Variants in NET1 observed in about 807,000 individuals in gnomAD.
The protein encoded by NET1 is neuroepithelial cell-transforming gene 1 protein.
A neutral mutation model predicts 61.1 loss-of-function variants in NET1; 42 were observed. The observed-to-expected ratio is 0.69, with a 90% confidence interval of 0.54 to 0.89. The LOEUF is 0.89. Among genes scored for constraint, NET1 ranks in the 40% least tolerant of loss-of-function variants. The probability of loss-of-function intolerance (pLI) is 0.00; values close to 1 mark genes in which losing one functional copy is unlikely to be tolerated. For synonymous variants in NET1, 254 were observed against 281.8 expected (o/e 0.90, Z 0.99); for missense variants, 654 against 747.3 (o/e 0.88, Z 1.46).
intron 1 of NET1, among the ~76,000 whole-genome samples, chr10:5,419,477 C>T (rs897593794): frequency 6.6e-6 from 1 of 151,802 alleles, no homozygotes; most frequent in African/African-American, 2.4e-5. Flanking sequence ...TTTCTCTATT[C>T]CTCCTTTATT....
In NET1 at chr10:5,417,839, G is replaced by T. The variant is rs1276886441; in HGVS notation, c.128+5019G>T. ...AGATGTCCTTTATCAGGTTGAGGAA[G>T]TTCCATTCTGTTACTAGTTTTTGAG... is the stretch of plus-strand genomic sequence containing the variant. On this transcript the variant is annotated intron_variant, in intron 1 of 11. Coordinates refer to ENST00000355029, the MANE Select transcript of NET1 (RefSeq NM_001047160.3). This position sits in a 1 kb window ranked among gnomAD's most constrained non-coding sequence, Gnocchi z 5.5. Among the ~76,000 whole-genome samples, 1 of 152,138 alleles carries T rather than the reference G, an allele frequency of 6.6e-6. No individual in the cohort carries two copies. Among genetic ancestry groups the T allele is most frequent in the East Asian group, 1.9e-4 (1 of 5,188 alleles).
In NET1 at chr10:5,446,613, G is replaced by GC. The variant is rs1377170970; in HGVS notation, c.256-5215dup. The stretch of plus-strand genomic sequence containing the variant: ...TGCTTGCTGCCTGCGGCTCTCAGAA[G>GC]CCTCTGCTCCACCGCGGCGAGAGGC... On this transcript the variant is annotated intron_variant, in intron 3 of 11. Coordinates refer to ENST00000355029, the MANE Select transcript of NET1 (RefSeq NM_001047160.3). The surrounding 1 kb of genome is among the most constrained non-coding windows in gnomAD (Gnocchi z 5.0). 2 of 1,241,330 alleles carry GC rather than the reference G, an allele frequency of 1.6e-6. No individual in the cohort carries two copies. Among genetic ancestry groups the GC allele is most frequent in the Non-Finnish European group, 2.0e-6 (2 of 989,334 alleles). 76.9% of individuals were successfully genotyped at this position (1,241,330 alleles called of 1,614,324 possible).
In NET1 at chr10:5,415,728, C is replaced by T. The variant is rs1292608276; in HGVS notation, c.128+2908C>T. 2.6e-5 allele frequency among the ~76,000 whole-genome samples: 4 copies of T among 152,168 alleles called. No homozygotes were observed. Among genetic ancestry groups the T allele is most frequent in the East Asian group, 3.9e-4 (2 of 5,168 alleles). On this transcript the variant is annotated intron_variant, in intron 1 of 11. Transcript: ENST00000355029. The surrounding 1 kb of genome is among the most constrained non-coding windows in gnomAD (Gnocchi z 4.7). ...TGCTGGGATTACAGGCGTGAGCCAC[C>T]GCACCTGGCCCTGTTCATTTTTAAA...
In NET1 at chr10:5,421,266, C is replaced by T. The variant is rs774892822; in HGVS notation, c.129-5389C>T. ...TTTAAATAATTTTATTTCTGTCTTT[C>T]GGGGCCTTAGGGAAAGCCATAGAAC... is the stretch of plus-strand genomic sequence containing the variant. On this transcript the variant is annotated intron_variant, in intron 1 of 11. Transcript: ENST00000355029. This position sits in a 1 kb window ranked among gnomAD's most constrained non-coding sequence, Gnocchi z 4.2. 3.6e-4 allele frequency among the ~76,000 whole-genome samples: 55 copies of T among 152,078 alleles called. No individual in the cohort carries two copies. Among genetic ancestry groups the T allele is most frequent in the African/African-American group, 1.2e-3 (51 of 41,412 alleles).
chr10:5,445,401 CT>C (rs1251026259), intron 3 of NET1, among the ~76,000 whole-genome samples: 1 of 152,198 alleles, frequency 6.6e-6, no homozygotes, highest in Non-Finnish European at 1.5e-5. Flanking sequence ...CAAAAGCTAT[CT>C]TCTGTTATCT....
Position 5,414,663 on chromosome 10 carries a change from T to C in NET1, c.128+1843T>C, listed in dbSNP as rs114323324. ...AGAGAAATAACACAATTTTGTGGGATAGACTCTTAAGAAAGAATAAATTCC... is the reference window on the plus strand; with the variant it reads ...AGAGAAATAACACAATTTTGTGGGACAGACTCTTAAGAAAGAATAAATTCC... On this transcript the variant is annotated intron_variant, in intron 1 of 11. Coordinates refer to ENST00000355029, the MANE Select transcript of NET1 (RefSeq NM_001047160.3). Among the ~76,000 whole-genome samples, 1,117 of 152,324 alleles carry C rather than the reference T, an allele frequency of 7.3e-3. 9 individuals carry two copies. The highest frequency in any genetic ancestry group is 0.026 in the African/African-American group (1,068 of 41,560).
At chr10:5,442,852 G>A (rs1439438421) in intron 3 of NET1, among the ~76,000 whole-genome samples, 1 of 148,674 alleles carries the variant, frequency 6.7e-6, no homozygotes, top group Non-Finnish European at 1.5e-5. Flanking sequence ...ACTCCAGCCT[G>A]GACAACAGAG....
Position 5,435,478 on chromosome 10 carries a change from T to C in NET1, c.255+6249T>C, listed in dbSNP as rs1198415904. Among the ~76,000 whole-genome samples the C allele has an allele frequency of 2.9e-4, 1 of 3,494 alleles. No homozygotes were observed. The highest frequency in any genetic ancestry group is 4.7e-4 in the African/African-American group (1 of 2,132). 2.3% of individuals were successfully genotyped at this position (3,494 alleles called of 152,430 possible). On this transcript the variant is annotated intron_variant, in intron 3 of 11. Transcript: ENST00000355029. This position sits in a 1 kb window ranked among gnomAD's most constrained non-coding sequence, Gnocchi z 5.0. ...ACTTTATATGCCTCCGTGCCTGAGA[T>C]AGATAGATAGATAGATAGATAGATA...
rs1169213819 is a variant in NET1, at chr10:5,449,090, A to C, written c.256-2740A>C. Among the ~76,000 whole-genome samples, 2 of 152,216 alleles carry C rather than the reference A, an allele frequency of 1.3e-5. No individual in the cohort carries two copies. Among genetic ancestry groups the C allele is most frequent in the Non-Finnish European group, 2.9e-5 (2 of 68,034 alleles). On this transcript the variant is annotated intron_variant, in intron 3 of 11. Coordinates refer to ENST00000355029, the MANE Select transcript of NET1 (RefSeq NM_001047160.3). This position sits in a 1 kb window ranked among gnomAD's most constrained non-coding sequence, Gnocchi z 4.4. ...TAGGTGGCCTGTGAATGCCTAAACC[A>C]TGTCACTTTTCCACAGAAGTTTCAT...
Position 5,417,505 on chromosome 10 carries a change from T to C in NET1, c.128+4685T>C, listed in dbSNP as rs1345522393. Among the ~76,000 whole-genome samples, 2 of 152,240 alleles carry C rather than the reference T, an allele frequency of 1.3e-5. No individual in the cohort carries two copies. Among genetic ancestry groups the C allele is most frequent in the Admixed American group, 1.3e-4 (2 of 15,286 alleles). ...TTCAATTGTATAGGAATACATACAA[T>C]TGATTTTTGTATATCGATCTTGGAT... On this transcript the variant is annotated intron_variant, in intron 1 of 11. Transcript: ENST00000355029. This position sits in a 1 kb window ranked among gnomAD's most constrained non-coding sequence, Gnocchi z 5.5.
At chr10:5,450,456 C>T (rs1190483311) in intron 3 of NET1, among the ~76,000 whole-genome samples, 3 of 151,872 alleles carry the variant, frequency 2.0e-5, no homozygotes. Flanking sequence ...TTTACCCAAA[C>T]CAAAAATGGT....
Position 5,417,257 on chromosome 10 carries a change from A to G in NET1, c.128+4437A>G, listed in dbSNP as rs1347990982. On this transcript the variant is annotated intron_variant, in intron 1 of 11. Transcript: ENST00000355029. This position sits in a 1 kb window ranked among gnomAD's most constrained non-coding sequence, Gnocchi z 5.5. Reference sequence around the variant, plus strand: ...CCTGCTAGGGTCTCGGGGGGTTTTTATAGGCACAGGTGGGGGCGTGCTTTT... The same window carrying G: ...CCTGCTAGGGTCTCGGGGGGTTTTTGTAGGCACAGGTGGGGGCGTGCTTTT... 6.6e-6 allele frequency among the ~76,000 whole-genome samples: 1 copy of G among 151,286 alleles called. No homozygotes were observed. The highest frequency in any genetic ancestry group is 2.4e-5 in the African/African-American group (1 of 41,096).
intron 3 of NET1, among the ~76,000 whole-genome samples, chr10:5,442,716 A>G (rs4881447): frequency 0.98 from 148,523 of 152,078 alleles, 72,622 homozygotes; most frequent in East Asian, 1. Context: ...CCAACATGGT[A>G]AAACCCCATC....
chr10:5,449,601 T>C lies in NET1; in HGVS notation c.256-2229T>C, dbSNP rs12778283. On this transcript the variant is annotated intron_variant, in intron 3 of 11. Coordinates refer to ENST00000355029, the MANE Select transcript of NET1 (RefSeq NM_001047160.3). The surrounding 1 kb of genome is among the most constrained non-coding windows in gnomAD (Gnocchi z 4.4). The stretch of plus-strand genomic sequence containing the variant: ...TTTCAGAAGTATGCTTTAGATATAT[T>C]TACATTCACTTATCTAAATCTAAAT... 0.14 allele frequency among the ~76,000 whole-genome samples: 21,846 copies of C among 152,268 alleles called. 2,086 individuals carry two copies. Among genetic ancestry groups the C allele is most frequent in the Non-Finnish European group, 0.22 (14,789 of 67,996 alleles).
chr10:5,446,562 G>A lies in NET1; in HGVS notation c.256-5268G>A. 2.6e-6 allele frequency: 3 copies of A among 1,163,836 alleles called. No homozygotes were observed. Among genetic ancestry groups the A allele is most frequent in the Non-Finnish European group, 1.1e-6 (1 of 944,782 alleles). 72.1% of individuals were successfully genotyped at this position (1,163,836 alleles called of 1,614,324 possible). A position where few individuals can be genotyped will look rare whatever the true frequency, so the allele number is the denominator to read the frequency against. On this transcript the variant is annotated intron_variant, in intron 3 of 11. Coordinates refer to ENST00000355029, the MANE Select transcript of NET1 (RefSeq NM_001047160.3). The surrounding 1 kb of genome is among the most constrained non-coding windows in gnomAD (Gnocchi z 5.0). ...CGCCCCCAGGGCCCGGTTGGCTGTG[G>A]CCCCGCCCCCGAGCCCTGGGGTCGG...
In NET1 at chr10:5,446,262, C is replaced by T. The variant is rs1472021962; in HGVS notation, c.256-5568C>T. On this transcript the variant is annotated intron_variant, in intron 3 of 11. Transcript: ENST00000355029. The surrounding 1 kb of genome is among the most constrained non-coding windows in gnomAD (Gnocchi z 5.0). ...ATTATATATGTTGATTCAGCCCTAT[C>T]GAATAAGAATTTCTATTTCCTTATT... Among the ~76,000 whole-genome samples, 5 of 152,254 alleles carry T rather than the reference C, an allele frequency of 3.3e-5. No individual in the cohort carries two copies. Among genetic ancestry groups the T allele is most frequent in the Middle Eastern group, 6.8e-3 (2 of 294 alleles).
In NET1 at chr10:5,443,602, C is replaced by T. The variant is rs1196201751; in HGVS notation, c.256-8228C>T. 1.3e-5 allele frequency among the ~76,000 whole-genome samples: 2 copies of T among 152,148 alleles called. No homozygotes were observed. The highest frequency in any genetic ancestry group is 2.9e-5 in the Non-Finnish European group (2 of 68,034). ...TCCAGTTGAACTTCCGCATGTTCAT[C>T]ATTCCTTTTTTAGATGCTGTCTACA... On this transcript the variant is annotated intron_variant, in intron 3 of 11. Transcript: ENST00000355029. This position sits in a 1 kb window ranked among gnomAD's most constrained non-coding sequence, Gnocchi z 4.8.
Position 5,451,981 on chromosome 10 carries a change from A to G in NET1, c.363+44A>G. The G allele has an allele frequency of 1.4e-6, 2 of 1,425,722 alleles. No homozygotes were observed. The highest frequency in any genetic ancestry group is 2.0e-6 in the Non-Finnish European group (2 of 1,017,550). The allele number at this position is 1,425,722 out of a possible 1,614,324, so 88.3% of individuals were successfully genotyped here. A position where few individuals can be genotyped will look rare whatever the true frequency, so the allele number is the denominator to read the frequency against. On this transcript the variant is annotated intron_variant, in intron 4 of 11. Coordinates refer to ENST00000355029, the MANE Select transcript of NET1 (RefSeq NM_001047160.3). This position sits in a 1 kb window ranked among gnomAD's most constrained non-coding sequence, Gnocchi z 6.1. ...GAGTAATGTAGTCAGCGGACTTTATAGAAGCCTGGAATTTGTAGTTGTCTT... is the reference window on the plus strand; with the variant it reads ...GAGTAATGTAGTCAGCGGACTTTATGGAAGCCTGGAATTTGTAGTTGTCTT...
chr10:5,452,686 A>G lies in NET1; in HGVS notation c.531+161A>G. 1.1e-6 allele frequency: 1 copy of G among 910,870 alleles called. No individual in the cohort carries two copies. The highest frequency in any genetic ancestry group is 1.8e-5 in the South Asian group (1 of 55,284). 56.4% of individuals were successfully genotyped at this position (910,870 alleles called of 1,614,324 possible). On this transcript the variant is annotated intron_variant, in intron 5 of 11. Coordinates refer to ENST00000355029, the MANE Select transcript of NET1 (RefSeq NM_001047160.3). This position sits in a 1 kb window ranked among gnomAD's most constrained non-coding sequence, Gnocchi z 4.0. ...CAAATTAAACAACTCTAATAGGGTA[A>G]ACTTACCAAACATACGGCAACCTTG...
Sources: allele counts gnomAD v4.1 joint callset (sites outside exome capture counted in the v4.1 genomes callset), GRCh38; gene constraint gnomAD v4.1.1; non-coding constraint Gnocchi (gnomAD v3.1); transcripts MANE v1.5; gene names NCBI Gene and HGNC (gene_info 2026-07-23, HGNC 2026-07-21).